ARHGAP18: variants seen among roughly 807,000 people sequenced by gnomAD.
ARHGAP18 encodes the protein rho GTPase-activating protein 18.
In ARHGAP18, 67 loss-of-function variants were observed where a neutral mutation model predicts 86.2. The ratio of observed to expected loss-of-function variants is 0.78; its 90% CI spans 0.64 to 0.95. ARHGAP18 has a LOEUF of 0.95. Ranked by LOEUF, ARHGAP18 falls within the 40% of genes least tolerant of loss-of-function variation. The pLI, the probability that ARHGAP18 is intolerant of heterozygous loss-of-function variation, is 0.00. For missense variants in ARHGAP18, 691 were observed against 780.4 expected (o/e 0.89, Z 1.37); for synonymous variants, 283 against 280.4 (o/e 1.01, Z -0.09).
At chr6:129,616,378 G>T (rs1276667236) in intron 6 of ARHGAP18, 75 bp from the exon 7 acceptor site, 1 of 1,172,468 alleles carries the variant, frequency 8.5e-7, no homozygotes, top group Non-Finnish European at 1.2e-6. Context: ...TAAAGCATAA[G>T]ATTTCTGATA....
intron 12 of ARHGAP18, among the ~76,000 whole-genome samples, chr6:129,597,971 A>C (rs944670734): frequency 6.6e-6 from 1 of 152,176 alleles, no homozygotes; most frequent in Non-Finnish European, 1.5e-5. Flanking sequence ...TCTAAATATT[A>C]TTTAAAAGGT....
chr6:129,624,391 A>T (rs1276407167), intron 5 of ARHGAP18, among the ~76,000 whole-genome samples: 1 of 151,994 alleles, frequency 6.6e-6, no homozygotes, highest in Non-Finnish European at 1.5e-5. Context: ...TTAGCCAGGC[A>T]TGGTGGCATG....
chr6:129,664,248 C>A (rs913418919), intron 1 of ARHGAP18, among the ~76,000 whole-genome samples: 6 of 152,194 alleles, frequency 3.9e-5, no homozygotes, highest in Non-Finnish European at 7.4e-5. Context: ...ATAAACATAG[C>A]AGGGGATGGG....
chr6:129,586,403 T>C (rs1788395391), intron 12 of ARHGAP18, among the ~76,000 whole-genome samples: 1 of 152,160 alleles, frequency 6.6e-6, no homozygotes, highest in Admixed American at 6.5e-5. Context: ...GTTTTACTTA[T>C]AAAACAATAG....
chr6:129,641,792 A>C, intron 2 of ARHGAP18, 24 bp downstream of exon 2: 1 of 1,593,252 alleles, frequency 6.3e-7, no homozygotes, highest in Non-Finnish European at 8.6e-7. Context: ...CAAACAACAA[A>C]AGCTTTATTT....
rs1788709447 is a variant in ARHGAP18 at position 129,600,186 on chromosome 6, G to T, written c.1572+456C>A. Among the ~76,000 whole-genome samples, 6 of 152,054 alleles carry T rather than the reference G, an allele frequency of 3.9e-5. No individual in the cohort carries two copies. In the South Asian group the frequency reaches 1.2e-3, roughly 32 times the overall value. ...TCCTGAAAAATTATAAATTTCATTG[G>T]AAAATGAGCACCTAATCAACGAAGC... On this transcript the variant is annotated intron_variant, in intron 11 of 14. Coordinates refer to ENST00000368149, the MANE Select transcript of ARHGAP18 (RefSeq NM_033515.3).
chr6:129,626,103 C>T lies in ARHGAP18; in HGVS notation c.786+3250G>A, dbSNP rs67385785. ...ACACACACACACACACACACACACA[C>T]ACATATATAGAAGAAAAGCCTGGAA... On this transcript the variant is annotated intron_variant, in intron 5 of 14. Transcript: ENST00000368149. 2.0e-3 allele frequency among the ~76,000 whole-genome samples: 188 copies of T among 91,894 alleles called. 1 individual carries two copies. The highest frequency in any genetic ancestry group is 3.0e-3 in the Admixed American group (26 of 8,552). 60.3% of individuals were successfully genotyped at this position (91,894 alleles called of 152,430 possible). A position where few individuals can be genotyped will look rare whatever the true frequency, so the allele number is the denominator to read the frequency against.
chr6:129,606,308 G>A (rs565794450), intron 9 of ARHGAP18, among the ~76,000 whole-genome samples: 2 of 152,310 alleles, frequency 1.3e-5, no homozygotes, highest in South Asian at 2.1e-4. Context: ...CCATGATACA[G>A]TATCAGGGTG....
rs1393324876 is a variant in ARHGAP18 at position 129,578,290 on chromosome 6, A to G, written c.*223T>C. 1 of 208,802 alleles carries G rather than the reference A, an allele frequency of 4.8e-6. No homozygotes were observed. The highest frequency in any genetic ancestry group is 5.8e-5 in the Admixed American group (1 of 17,294). The allele number at this position is 208,802 out of a possible 1,614,324, so 12.9% of individuals were successfully genotyped here. A position where few individuals can be genotyped will look rare whatever the true frequency, so the allele number is the denominator to read the frequency against. On this transcript the variant is annotated 3_prime_UTR_variant, in exon 15 of 15. Coordinates refer to ENST00000368149, the MANE Select transcript of ARHGAP18 (RefSeq NM_033515.3). Reference sequence around the variant, plus strand: ...GCCCACAAACTAATTAAGCCTCTTTACTCTCACTCCAGAAATTTTTTTTCT... The same window carrying G: ...GCCCACAAACTAATTAAGCCTCTTTGCTCTCACTCCAGAAATTTTTTTTCT...
chr6:129,656,102 A>T (rs1773829195), intron 1 of ARHGAP18, among the ~76,000 whole-genome samples: 1 of 152,234 alleles, frequency 6.6e-6, no homozygotes, highest in South Asian at 2.1e-4. Flanking sequence ...TTCATTCAAC[A>T]ACTACTGACT....
intron 1 of ARHGAP18, among the ~76,000 whole-genome samples, chr6:129,707,136 G>A (rs1584126533): frequency 6.6e-6 from 1 of 151,930 alleles, no homozygotes; most frequent in African/African-American, 2.4e-5. Context: ...TAGAGGCTGA[G>A]GCAGGAGAAT....
chr6:129,642,155 T>C, intron 1 of ARHGAP18, 137 bp from the exon 2 acceptor site: 1 of 744,140 alleles, frequency 1.3e-6, no homozygotes, highest in Non-Finnish European at 2.2e-6. Context: ...ATATATATTT[T>C]GGAACAGTTT....
chr6:129,662,361 C>T (rs943228980), intron 1 of ARHGAP18, among the ~76,000 whole-genome samples: 1 of 152,238 alleles, frequency 6.6e-6, no homozygotes, highest in African/African-American at 2.4e-5. Flanking sequence ...GGAACAAATA[C>T]TCAGTGTAAA....
intron 8 of ARHGAP18, among the ~76,000 whole-genome samples, chr6:129,610,204 C>G (rs561393736): frequency 6.6e-6 from 1 of 152,320 alleles, no homozygotes; most frequent in South Asian, 2.1e-4. Flanking sequence ...ATGGCTGCTT[C>G]CAGATACAGC....
At chr6:129,656,468 C>T (rs960235532) in intron 1 of ARHGAP18, among the ~76,000 whole-genome samples, 1 of 152,002 alleles carries the variant, frequency 6.6e-6, no homozygotes, top group African/African-American at 2.4e-5. Context: ...TGGTGAAACC[C>T]CGTCTCTACT....
Position 129,605,979 on chromosome 6 carries a change from A to G in ARHGAP18, c.1283-20T>C, listed in dbSNP as rs1788845538. On this transcript the variant is annotated intron_variant, in intron 9 of 14. Coordinates refer to ENST00000368149, the MANE Select transcript of ARHGAP18 (RefSeq NM_033515.3). The stretch of plus-strand genomic sequence containing the variant: ...GAAGATCTGCAGACAAATTAAATAA[A>G]TCTGAACTCTTTTCTTCAGTGAACA... 1 of 1,605,770 alleles carries G rather than the reference A, an allele frequency of 6.2e-7. No individual in the cohort carries two copies.
intron 1 of ARHGAP18, among the ~76,000 whole-genome samples, chr6:129,665,827 A>G (rs1774025640): frequency 1.3e-5 from 2 of 152,048 alleles, no homozygotes; most frequent in Non-Finnish European, 2.9e-5. Flanking sequence ...GAGACCAATA[A>G]TGTTACCTCT....
At chr6:129,673,470 T>C (rs1290814745) in intron 1 of ARHGAP18, among the ~76,000 whole-genome samples, 1 of 152,210 alleles carries the variant, frequency 6.6e-6, no homozygotes, top group Non-Finnish European at 1.5e-5. Flanking sequence ...TTTCTCTTTA[T>C]AGGAAGGATA....
intron 1 of ARHGAP18, among the ~76,000 whole-genome samples, chr6:129,647,442 G>A (rs547106762): frequency 1.3e-5 from 2 of 152,006 alleles, no homozygotes; most frequent in African/African-American, 4.8e-5. Context: ...CTGACCCTTC[G>A]AGGCATTTTT....
Sources: gnomAD v4.1 joint callset for allele counts (sites outside exome capture counted in the v4.1 genomes callset) on GRCh38, gnomAD v4.1.1 for gene constraint, MANE v1.5 for transcripts, NCBI Gene and HGNC (gene_info 2026-07-23, HGNC 2026-07-21) for gene names.